Variants in UNC13C observed in about 807,000 individuals in gnomAD.
The protein encoded by UNC13C is protein unc-13 homolog C.
Under a neutral mutation model 245.4 loss-of-function variants are expected in UNC13C, and 174 were observed. The observed-to-expected ratio is 0.71, with a 90% CI of 0.63 to 0.80. The LOEUF (loss-of-function observed/expected upper bound fraction) is 0.80, where lower values mean the gene tolerates loss of function less well. UNC13C is among the 30% of genes least tolerant of loss of function. The probability of loss-of-function intolerance (pLI) is 0.00; values close to 1 mark genes in which losing one functional copy is unlikely to be tolerated. For missense variants in UNC13C, 2,829 were observed against 2,602.9 expected (o/e 1.09, Z -1.89); for synonymous variants, 992 against 895.1 (o/e 1.11, Z -1.93).
At chr15:54,628,726 C>T (rs1901358663), downstream of UNC13C, 1 of 152,064 alleles carries the variant, frequency 6.6e-6, no homozygotes. Flanking sequence ...GTTCTAACAT[C>T]TCATTAAAAG....
At chr15:54,564,143 G>A (rs765450635) in intron 29 of UNC13C, among the ~76,000 whole-genome samples, 2 of 151,906 alleles carry the variant, frequency 1.3e-5, no homozygotes, top group African/African-American at 2.4e-5. Context: ...TTACCACCTG[G>A]CAATTTGTTT....
the UNC13C span, among the ~76,000 whole-genome samples, chr15:53,855,010 C>T: frequency 3.3e-5 from 5 of 152,158 alleles, no homozygotes; most frequent in East Asian, 9.6e-4. Context: ...AGTTCCTTCA[C>T]ATCCCTTATT....
At chr15:54,616,858 C>A (rs1487491773) in intron 30 of UNC13C, among the ~76,000 whole-genome samples, 1 of 151,994 alleles carries the variant, frequency 6.6e-6, no homozygotes, top group Admixed American at 6.6e-5. Flanking sequence ...AACTTTCAAT[C>A]CCACAAGCTC....
chr15:53,988,449 T>C (rs1347220539), intron 1 of UNC13C, among the ~76,000 whole-genome samples: 1 of 151,938 alleles, frequency 6.6e-6, no homozygotes, highest in Admixed American at 6.6e-5. Context: ...TTTTTGTTAT[T>C]TAAGAAGCCT....
chr15:54,567,993 A>C lies in UNC13C; in HGVS notation c.6106+46A>C, dbSNP rs535834883. 25 of 1,342,016 alleles carry C rather than the reference A, an allele frequency of 1.9e-5. No individual in the cohort carries two copies. The East Asian group carries it at 6.2e-4, about 33-fold the overall frequency. 83.1% of individuals were successfully genotyped at this position (1,342,016 alleles called of 1,614,324 possible). On this transcript the variant is annotated intron_variant, in intron 30 of 32. Coordinates refer to ENST00000260323, the MANE Select transcript of UNC13C (RefSeq NM_001080534.3). ...GAGAATAAGGTAAACTGAATACTAA[A>C]ATAAAATTTAACATCAGAATTATTA...
intron 2 of UNC13C, among the ~76,000 whole-genome samples, chr15:54,138,953 A>ATTTTCTTTTTTTTT (rs2031872358): frequency 2.1e-5 from 1 of 48,632 alleles, no homozygotes; most frequent in Non-Finnish European, 3.5e-5. Flanking sequence ...ATTTCCCCTA[A>ATTTTCTTTTTTTTT]TTTTTTTTTT....
rs1440261730 is a variant in UNC13C at position 54,015,590 on chromosome 15, C to T, written c.2687C>T (p.Thr896Ile). 1.2e-6 allele frequency: 2 copies of T among 1,613,798 alleles called. No homozygotes were observed. The highest frequency in any genetic ancestry group is 1.1e-5 in the South Asian group (1 of 91,080). The change falls in exon 2 of 33, where the codon ACT becomes ATT. Residue 896 changes from threonine to isoleucine, a missense_variant. By Grantham distance (89) the Thr-to-Ile change is moderately conservative. Transcript: ENST00000260323. ...AAACTAGAAAACAGGACTAGTATTA[C>T]TGAAACAGATGAACAAATGCAAGCA... ...LAKLENRTSITETDEQMQAYD... is the reference protein window; with the variant it reads ...LAKLENRTSIIETDEQMQAYD...
intron 19 of UNC13C, 148 bp downstream of exon 19, chr15:54,415,215 A>C: frequency 1.7e-6 from 1 of 583,048 alleles, no homozygotes; most frequent in South Asian, 2.8e-5. Context: ...GTATGGTGAA[A>C]AGATAAGGTC....
intron 2 of UNC13C, among the ~76,000 whole-genome samples, chr15:54,057,320 G>A (rs1293897651): frequency 2.7e-5 from 4 of 149,708 alleles, no homozygotes; most frequent in East Asian, 2.0e-4. Flanking sequence ...CCTAGTCTCA[G>A]ATAAAACAGA....
At chr15:54,544,257 A>T (rs1179155662) in intron 26 of UNC13C, among the ~76,000 whole-genome samples, 1 of 152,104 alleles carries the variant, frequency 6.6e-6, no homozygotes, top group Non-Finnish European at 1.5e-5. Context: ...CTTGATGCTA[A>T]AAAAACTCTC....
intron 19 of UNC13C, among the ~76,000 whole-genome samples, chr15:54,486,615 A>C (rs1596466103): frequency 6.6e-6 from 1 of 152,272 alleles, no homozygotes; most frequent in East Asian, 1.9e-4. Flanking sequence ...TTATGGGTAA[A>C]TATGCAAAGT....
At chr15:53,857,670 A>G in the UNC13C span, among the ~76,000 whole-genome samples, 1 of 152,226 alleles carries the variant, frequency 6.6e-6, no homozygotes, top group African/African-American at 2.4e-5. Flanking sequence ...GATGCTGAGC[A>G]TCTATTATTA....
chr15:54,578,681 A>G (rs1898066236), intron 30 of UNC13C, among the ~76,000 whole-genome samples: 1 of 152,244 alleles, frequency 6.6e-6, no homozygotes, highest in African/African-American at 2.4e-5. Flanking sequence ...CTTGAGTCTC[A>G]GAACAGCCCT....
intron 4 of UNC13C, among the ~76,000 whole-genome samples, chr15:54,218,674 G>T (rs116390979): frequency 6.6e-6 from 1 of 151,840 alleles, no homozygotes; most frequent in Non-Finnish European, 1.5e-5. Context: ...ATATAAAAAT[G>T]ACATGCTTAG....
chr15:54,388,314 A>G (rs1207877812), intron 17 of UNC13C, among the ~76,000 whole-genome samples: 4 of 152,124 alleles, frequency 2.6e-5, no homozygotes, highest in Admixed American at 1.3e-4. Flanking sequence ...AAGCACATCC[A>G]ACATTCTGGC....
chr15:54,588,263 C>T (rs1451677119), intron 30 of UNC13C, among the ~76,000 whole-genome samples: 1 of 152,148 alleles, frequency 6.6e-6, no homozygotes, highest in Non-Finnish European at 1.5e-5. Context: ...AATTTATTTC[C>T]TGAAGTAAAT....
chr15:54,076,111 AT>A (rs201240549), intron 2 of UNC13C, among the ~76,000 whole-genome samples: 3,027 of 130,212 alleles, frequency 0.023, 83 homozygotes, highest in South Asian at 0.13. Context: ...ATATATATAT[AT>A]TTTTTTTTAT....
rs555721024 is a variant in UNC13C, at chr15:54,597,412, C to T, written c.6107-24915C>T. Among the ~76,000 whole-genome samples the T allele has an allele frequency of 5.9e-4, 90 of 152,180 alleles. 1 individual carries two copies. Among genetic ancestry groups the T allele is most frequent in the Middle Eastern group, 6.8e-3 (2 of 294 alleles). On this transcript the variant is annotated intron_variant, in intron 30 of 32. Transcript: ENST00000260323. ...GTCCTCTGGTAGGAAGATATTCCAC[C>T]GAACCTACAGGCCAAAGTTTCTGTG... is the stretch of plus-strand genomic sequence containing the variant.
At chr15:53,931,546 G>T in the UNC13C span, among the ~76,000 whole-genome samples, 3 of 151,890 alleles carry the variant, frequency 2.0e-5, no homozygotes, top group South Asian at 4.2e-4. Context: ...AATTGTCTTT[G>T]CTTCCTTCTT....
Sources: allele counts gnomAD v4.1 joint callset (sites outside exome capture counted in the v4.1 genomes callset), GRCh38; gene constraint gnomAD v4.1.1; transcripts MANE v1.5; gene names NCBI Gene and HGNC (gene_info 2026-07-23, HGNC 2026-07-21).